FGFR1: variants seen among roughly 807,000 people sequenced by gnomAD.
The protein encoded by FGFR1 is FGFR1/PLAG1 fusion.
In FGFR1, 18 loss-of-function variants were observed where a neutral mutation model predicts 93.7. The observed-to-expected ratio is 0.19, with a 90% CI of 0.13 to 0.28. The LOEUF (loss-of-function observed/expected upper bound fraction) is 0.28, where lower values mean the gene tolerates loss of function less well. Ranked by LOEUF, FGFR1 falls within the 10% of genes least tolerant of loss-of-function variation. The pLI, the probability that FGFR1 is intolerant of heterozygous loss-of-function variation, is 1.00. For synonymous variants in FGFR1, 448 were observed against 429.3 expected, an observed-to-expected ratio of 1.04 and a Z score of -0.54; for missense variants, 731 against 1,080.4, an observed-to-expected ratio of 0.68 and a Z score of 4.53.
chr8:38,418,343 A>G lies in FGFR1; in HGVS notation c.1315T>C (p.Ser439Pro), dbSNP rs1817498114. Reference protein sequence around the residue: ...VSADSSASMNSGVLLVRPSRL... With the variant: ...VSADSSASMNPGVLLVRPSRL... ...GATGGCCGAACCAGAAGAACCCCAGAGTTCATGGATGCACTGGAGTCAGCA... is the reference window on the plus strand; with the variant it reads ...GATGGCCGAACCAGAAGAACCCCAGGGTTCATGGATGCACTGGAGTCAGCA... The change falls in exon 10 of 18, where the codon TCT (serine) becomes CCT (proline). Residue 439 changes from serine to proline, a missense_variant. Physicochemically the swap from Ser to Pro is moderately conservative, Grantham distance 74 (BLOSUM62 -1). Around this residue, in one of 10 missense-constraint regions of FGFR1, gnomAD observed 146 missense variants for 173.0 expected, o/e 0.84. Transcript: ENST00000447712. 2 of 1,614,032 alleles carry G rather than the reference A, an allele frequency of 1.2e-6. No homozygotes were observed. Among genetic ancestry groups the G allele is most frequent in the Admixed American group, 3.3e-5 (2 of 60,010 alleles).
chr8:38,419,470 G>A (rs2150701210), intron 9 of FGFR1, 63 bp downstream of exon 9: 1 of 1,409,784 alleles, frequency 7.1e-7, no homozygotes, highest in Non-Finnish European at 1.0e-6. Flanking sequence ...AATGGAGAGG[G>A]CAGGGCATTA....
At position 38,466,242 on chromosome 8, in the gene FGFR1, C is replaced by G. The variant is rs1835464658; in HGVS notation, c.-89+1739G>C. ...CCGCCCACGCCCCCGGCCCTGCGCA[C>G]CGGGCTTGCTCCGGGAGGGGCGCGT... On this transcript the variant is annotated intron_variant, in intron 1 of 17. Coordinates refer to ENST00000447712, the MANE Select transcript of FGFR1 (RefSeq NM_023110.3). 3.0e-5 allele frequency: 7 copies of G among 232,490 alleles called. No homozygotes were observed. The East Asian group carries it at 4.2e-4, about 14-fold the overall frequency. 14.4% of individuals were successfully genotyped at this position (232,490 alleles called of 1,614,324 possible).
chr8:38,423,660 AT>A (rs1367518775), intron 7 of FGFR1: 2 of 140,966 alleles, frequency 1.4e-5, no homozygotes, highest in Non-Finnish European at 1.5e-5. Context: ...AAAGCATTTG[AT>A]TAAAAAAAAA....
At chr8:38,453,112 T>C (rs118173885) in intron 2 of FGFR1, among the ~76,000 whole-genome samples, 1,981 of 152,346 alleles carry the variant, frequency 0.013, 22 homozygotes, top group Non-Finnish European at 0.02. Flanking sequence ...CCCCTTAGAA[T>C]GTCCTGGGCA....
At chr8:38,418,085 C>T (rs1817363175) in intron 10 of FGFR1, 94 bp from the exon 11 acceptor site, 1 of 1,609,418 alleles carries the variant, frequency 6.2e-7, no homozygotes, top group Non-Finnish European at 8.5e-7. Context: ...TTTCACCCAA[C>T]TGCGAGCAGA....
chr8:38,415,131 G>A (rs1476896597), intron 13 of FGFR1, among the ~76,000 whole-genome samples: 2 of 152,180 alleles, frequency 1.3e-5, no homozygotes, highest in African/African-American at 4.8e-5. Context: ...TTATGCCTCT[G>A]CTGCGTCTGC....
intron 2 of FGFR1, among the ~76,000 whole-genome samples, chr8:38,441,646 A>G (rs1827524164): frequency 6.6e-6 from 1 of 152,228 alleles, no homozygotes. Flanking sequence ...CAAGAAGAGC[A>G]AAGGTAGATG....
At position 38,424,702 on chromosome 8, in the gene FGFR1, G is replaced by A. The variant is rs1187955512; in HGVS notation, c.746-3C>T. 2 of 1,608,750 alleles carry A rather than the reference G, an allele frequency of 1.2e-6. No homozygotes were observed. The highest frequency in any genetic ancestry group is 1.1e-5 in the South Asian group (1 of 90,922). On this transcript the variant is annotated splice_polypyrimidine_tract_variant and splice_region_variant and intron_variant, in intron 6 of 17. Transcript: ENST00000447712. This position sits in a 1 kb window ranked among gnomAD's most constrained non-coding sequence, Gnocchi z 4.3. ...GATGGGCCGGTGAGGGGACCGCTCT[G>A]TGGAAGATGGGAGAGGAGGCACTTG...
intron 1 of FGFR1, among the ~76,000 whole-genome samples, chr8:38,462,622 T>G (rs1232586930): frequency 2.0e-5 from 3 of 151,994 alleles, no homozygotes; most frequent in Admixed American, 6.6e-5. Flanking sequence ...CTTCCTTTCT[T>G]TTTTTCTTTG....
chr8:38,414,703 G>A (rs1815717274), intron 14 of FGFR1, 74 bp from the exon 15 acceptor site: 1 of 1,613,388 alleles, frequency 6.2e-7, no homozygotes, highest in Non-Finnish European at 8.5e-7. Flanking sequence ...GGGACTGGGG[G>A]GTGGGTTCTC....
intron 12 of FGFR1, among the ~76,000 whole-genome samples, chr8:38,416,901 C>T (rs951151889): frequency 1.3e-5 from 2 of 152,172 alleles, no homozygotes; most frequent in African/African-American, 2.4e-5. Flanking sequence ...TATAGGCATG[C>T]GTGACCATGC....
intron 2 of FGFR1, among the ~76,000 whole-genome samples, chr8:38,452,304 G>A (rs774224677): frequency 6.6e-6 from 1 of 151,838 alleles, no homozygotes; most frequent in Non-Finnish European, 1.5e-5. Context: ...AGGGTTTTAG[G>A]TGGTTTGCTC....
rs2150828145 is a variant in FGFR1 at position 38,424,723 on chromosome 8, A to G, written c.746-24T>C. ...CTCTGTGGAAGATGGGAGAGGAGGC[A>G]CTTGTCATGGGGACCTTGCCATGGC... On this transcript the variant is annotated intron_variant, in intron 6 of 17. Coordinates refer to ENST00000447712, the MANE Select transcript of FGFR1 (RefSeq NM_023110.3). This position sits in a 1 kb window ranked among gnomAD's most constrained non-coding sequence, Gnocchi z 4.3. The G allele has an allele frequency of 6.2e-7, 1 of 1,604,664 alleles. No individual in the cohort carries two copies. The highest frequency in any genetic ancestry group is 8.5e-7 in the Non-Finnish European group (1 of 1,172,986).
rs1050711387 is a variant in FGFR1 at position 38,429,592 on chromosome 8, G to T, written c.358+90C>A. Reference sequence around the variant, plus strand: ...AGCAGAGTGGGGGCAGATCACGGAGGGGGAGGAGGTTCACCTTCCTCTGAA... The same window carrying T: ...AGCAGAGTGGGGGCAGATCACGGAGTGGGAGGAGGTTCACCTTCCTCTGAA... On this transcript the variant is annotated intron_variant, in intron 3 of 17. Coordinates refer to ENST00000447712, the MANE Select transcript of FGFR1 (RefSeq NM_023110.3). This position sits in a 1 kb window ranked among gnomAD's most constrained non-coding sequence, Gnocchi z 4.4. The T allele has an allele frequency of 7.3e-6, 10 of 1,360,578 alleles. No homozygotes were observed. Among genetic ancestry groups the T allele is most frequent in the African/African-American group, 2.9e-5 (2 of 69,554 alleles). The allele number at this position is 1,360,578 out of a possible 1,614,324, so 84.3% of individuals were successfully genotyped here.
At chr8:38,431,565 C>A (rs550540101) in intron 2 of FGFR1, among the ~76,000 whole-genome samples, 38 of 152,310 alleles carry the variant, frequency 2.5e-4, no homozygotes, top group Admixed American at 5.9e-4. Context: ...AAGTGCTCAA[C>A]AGGCTTCCGC....
rs114736410 is a variant in FGFR1, at chr8:38,424,112, T to C, written c.936+397A>G. On this transcript the variant is annotated intron_variant, in intron 7 of 17. Coordinates refer to ENST00000447712, the MANE Select transcript of FGFR1 (RefSeq NM_023110.3). The surrounding 1 kb of genome is among the most constrained non-coding windows in gnomAD (Gnocchi z 4.3). ...AGAGATGCTCTTATCATGCACCCCA[T>C]TTGCCAGAAAGATCGTACGTAACTC... 1.0e-3 allele frequency: 365 copies of C among 350,734 alleles called. 4 individuals are homozygous for C. Among genetic ancestry groups the C allele is most frequent in the African/African-American group, 6.9e-3 (330 of 47,570 alleles). The allele number at this position is 350,734 out of a possible 1,614,324, so 21.7% of individuals were successfully genotyped here.
intron 7 of FGFR1, chr8:38,423,731 C>T (rs894282064): frequency 1.3e-5 from 2 of 159,376 alleles, no homozygotes; most frequent in Non-Finnish European, 2.7e-5. Flanking sequence ...AACCCACTCC[C>T]TCCAGGACTG....
Position 38,412,637 on chromosome 8 carries a change from C to T in FGFR1, c.*991G>A, listed in dbSNP as rs866647792. The T allele has an allele frequency of 3.4e-5, 8 of 233,674 alleles. No individual in the cohort carries two copies. In the Middle Eastern group the frequency reaches 6.4e-3, roughly 186 times the overall value. The allele number at this position is 233,674 out of a possible 1,614,324, so 14.5% of individuals were successfully genotyped here. ...ACAAGGAACCTGCGCCGGGAGCATG[C>T]GGTGCCCTCGGGACAGACCTAGCCC... On this transcript the variant is annotated 3_prime_UTR_variant, in exon 18 of 18. Coordinates refer to ENST00000447712, the MANE Select transcript of FGFR1 (RefSeq NM_023110.3).
chr8:38,448,816 A>G (rs748585369), intron 2 of FGFR1, among the ~76,000 whole-genome samples: 5 of 152,004 alleles, frequency 3.3e-5, no homozygotes, highest in Non-Finnish European at 5.9e-5. Context: ...TTAGCTGGGC[A>G]TGGTGGTGGG....
Sources: gnomAD v4.1 joint callset for allele counts (sites outside exome capture counted in the v4.1 genomes callset) on GRCh38, gnomAD v4.1.1 for gene constraint, gnomAD v4.1.1 regional missense constraint, Gnocchi (gnomAD v3.1) non-coding constraint, MANE v1.5 for transcripts, NCBI Gene and HGNC (gene_info 2026-07-23, HGNC 2026-07-21) for gene names.